PHF21A: variants seen among roughly 807,000 people sequenced by gnomAD.
PHF21A encodes BHC80a.
Under a neutral mutation model 82.5 loss-of-function variants are expected in PHF21A, and 11 were observed. The observed-to-expected ratio is 0.13, with a 90% CI of 0.08 to 0.22. The LOEUF (loss-of-function observed/expected upper bound fraction) is 0.22. Ranked by LOEUF, PHF21A falls within the 10% of genes least tolerant of loss-of-function variation. The pLI is 1.00. For missense variants in PHF21A, 579 were observed against 837.8 expected, an observed-to-expected ratio of 0.69 and a Z score of 3.81; for synonymous variants, 297 against 302.8, an observed-to-expected ratio of 0.98 and a Z score of 0.20.
intron 6 of PHF21A, among the ~76,000 whole-genome samples, chr11:46,035,777 G>C (rs1181381831): frequency 1.3e-5 from 2 of 152,146 alleles, no homozygotes; most frequent in Admixed American, 6.5e-5. Context: ...AGAAAGACTA[G>C]GGTCCATTTA....
At chr11:46,079,247 A>T in intron 4 of PHF21A, 81 bp from the exon 5 acceptor site, 1 of 961,916 alleles carries the variant, frequency 1.0e-6, no homozygotes, top group Non-Finnish European at 1.6e-6. Flanking sequence ...CAAAAAATCT[A>T]GGATTTTAAG....
chr11:46,104,590 AG>A (rs777495429), intron 1 of PHF21A, among the ~76,000 whole-genome samples: 6 of 152,152 alleles, frequency 3.9e-5, no homozygotes, highest in Non-Finnish European at 8.8e-5. Flanking sequence ...ACGCATTTCA[AG>A]GGAGAAAAAA....
intron 6 of PHF21A, among the ~76,000 whole-genome samples, chr11:46,011,117 G>A (rs1177668659): frequency 6.6e-6 from 1 of 152,132 alleles, no homozygotes. Context: ...ACTAGATCGT[G>A]AACTCCTTGA....
intron 6 of PHF21A, among the ~76,000 whole-genome samples, chr11:46,008,930 C>G (rs2137282902): frequency 6.7e-6 from 1 of 149,866 alleles, no homozygotes; most frequent in African/African-American, 2.5e-5. Flanking sequence ...AGACTGGACT[C>G]TTCCCTGCTC....
At chr11:46,009,191 C>T (rs771310265) in intron 6 of PHF21A, among the ~76,000 whole-genome samples, 3 of 152,038 alleles carry the variant, frequency 2.0e-5, no homozygotes, top group Non-Finnish European at 4.4e-5. Context: ...CCAGGCTGAT[C>T]TCCAACTCCC....
chr11:46,056,422 C>CT (rs1472105223), intron 6 of PHF21A, among the ~76,000 whole-genome samples: 10 of 152,056 alleles, frequency 6.6e-5, no homozygotes, highest in Non-Finnish European at 5.9e-5. Flanking sequence ...AAAACTTTTA[C>CT]TTTAAGAACC....
chr11:45,973,005 G>A (rs1042473164), intron 7 of PHF21A, among the ~76,000 whole-genome samples: 1 of 152,052 alleles, frequency 6.6e-6, no homozygotes, highest in African/African-American at 2.4e-5. Flanking sequence ...TTGAACCCGT[G>A]AGGCAGAGGC....
chr11:46,021,213 C>T (rs2137839914), intron 6 of PHF21A, among the ~76,000 whole-genome samples: 1 of 152,182 alleles, frequency 6.6e-6, no homozygotes, highest in Non-Finnish European at 1.5e-5. Context: ...GTGCAAGCCG[C>T]TATGCCTGGC....
At chr11:46,087,736 C>T (rs977273624) in intron 3 of PHF21A, among the ~76,000 whole-genome samples, 23 of 152,000 alleles carry the variant, frequency 1.5e-4, no homozygotes, top group African/African-American at 4.6e-4. Context: ...AGGCTGGTCA[C>T]GAATACATGC....
At chr11:46,056,459 GT>G (rs2096458595) in intron 6 of PHF21A, among the ~76,000 whole-genome samples, 1 of 152,120 alleles carries the variant, frequency 6.6e-6, no homozygotes, top group African/African-American at 2.4e-5. Context: ...TCTCAAATTA[GT>G]ATGAGCTAAT....
intron 10 of PHF21A, among the ~76,000 whole-genome samples, chr11:45,959,311 G>A (rs2135753565): frequency 6.6e-6 from 1 of 152,268 alleles, no homozygotes; most frequent in Non-Finnish European, 1.5e-5. Context: ...AAACCATCAT[G>A]TTGTATACCT....
intron 13 of PHF21A, 151 bp from the exon 14 acceptor site, chr11:45,949,097 G>A: frequency 1.4e-6 from 1 of 714,556 alleles, no homozygotes; most frequent in Non-Finnish European, 2.5e-6. Flanking sequence ...GGGTTTTATT[G>A]TATGTACTTG....
chr11:46,118,931 A>G (rs867493380), intron 1 of PHF21A: 1 of 152,156 alleles, frequency 6.6e-6, no homozygotes, highest in Non-Finnish European at 1.5e-5. Context: ...TATCATAAAC[A>G]CTGAAAAGTA....
At chr11:46,035,511 C>T (rs1319186046) in intron 6 of PHF21A, among the ~76,000 whole-genome samples, 1 of 152,114 alleles carries the variant, frequency 6.6e-6, no homozygotes, top group Non-Finnish European at 1.5e-5. Flanking sequence ...CAGGTGGAGT[C>T]CTGACTCTCA....
chr11:45,968,931 C>CAAAAAA (rs59583388), intron 9 of PHF21A, among the ~76,000 whole-genome samples: 1 of 85,668 alleles, frequency 1.2e-5, no homozygotes, highest in African/African-American at 3.7e-5. Flanking sequence ...AACTCCATTG[C>CAAAAAA]AAAAAAAAAA....
chr11:46,062,878 A>G (rs1199248220), intron 6 of PHF21A, among the ~76,000 whole-genome samples: 2 of 152,206 alleles, frequency 1.3e-5, no homozygotes, highest in East Asian at 3.8e-4. Context: ...TGTTCAAATT[A>G]ATGTTATTTG....
intron 10 of PHF21A, among the ~76,000 whole-genome samples, chr11:45,961,215 T>C (rs185295222): frequency 1.2e-4 from 18 of 152,326 alleles, no homozygotes; most frequent in African/African-American, 3.8e-4. Flanking sequence ...TTCTTTTTGG[T>C]ATAATAAAAG....
At chr11:46,020,373 G>A (rs1361898634) in intron 6 of PHF21A, among the ~76,000 whole-genome samples, 2 of 152,174 alleles carry the variant, frequency 1.3e-5, no homozygotes, top group African/African-American at 4.8e-5. Flanking sequence ...CTGCCACCAA[G>A]AACCAGGAGC....
chr11:46,096,289 A>T (rs1360819828), intron 1 of PHF21A, among the ~76,000 whole-genome samples: 5 of 104,868 alleles, frequency 4.8e-5, no homozygotes, highest in African/African-American at 1.8e-4. Flanking sequence ...AATAATAATT[A>T]AAAAAAAAAA....
Sources: gnomAD v4.1 joint callset for allele counts (sites outside exome capture counted in the v4.1 genomes callset) on GRCh38, gnomAD v4.1.1 for gene constraint, MANE v1.5 for transcripts, NCBI Gene and HGNC (gene_info 2026-07-23, HGNC 2026-07-21) for gene names.